Variants in SLC39A10 observed in about 807,000 individuals in gnomAD.
SLC39A10 encodes the protein zinc transporter ZIP10.
Under a neutral mutation model 65.1 loss-of-function variants are expected in SLC39A10, and 13 were observed. The observed-to-expected ratio is 0.20, with a 90% CI of 0.13 to 0.32. SLC39A10 has a LOEUF of 0.32. Among genes scored for constraint, SLC39A10 ranks in the 10% least tolerant of loss-of-function variants. SLC39A10 has a pLI of 1.00. For synonymous variants in SLC39A10, 321 were observed against 342.2 expected, an observed-to-expected ratio of 0.94 and a Z score of 0.68; for missense variants, 831 against 1,018.4, an observed-to-expected ratio of 0.82 and a Z score of 2.50.
chr2:195,625,095 T>C (rs1026634513), intron 2 of SLC39A10, among the ~76,000 whole-genome samples: 41 of 148,696 alleles, frequency 2.8e-4, no homozygotes, highest in Admixed American at 8.1e-4. Flanking sequence ...CGGGCGCCTG[T>C]AATCCCAGCT....
chr2:195,677,637 T>G (rs1690144665), intron 1 of SLC39A10, among the ~76,000 whole-genome samples: 1 of 152,228 alleles, frequency 6.6e-6, no homozygotes, highest in Admixed American at 6.5e-5. Context: ...TTTCCCAATA[T>G]TTGTGAAATT....
intron 3 of SLC39A10, among the ~76,000 whole-genome samples, chr2:195,697,263 C>T (rs1691001556): frequency 6.6e-6 from 1 of 152,092 alleles, no homozygotes; most frequent in Non-Finnish European, 1.5e-5. Flanking sequence ...TTACATAAGG[C>T]ACTTGAGCAT....
At chr2:195,618,146 T>C (rs1688266518) in intron 2 of SLC39A10, among the ~76,000 whole-genome samples, 1 of 151,358 alleles carries the variant, frequency 6.6e-6, no homozygotes, top group Non-Finnish European at 1.5e-5. Context: ...AGGTCAGGGG[T>C]TTGAGACCAG....
At chr2:195,639,695 A>G (rs1328387550) in intron 2 of SLC39A10, among the ~76,000 whole-genome samples, 2 of 151,722 alleles carry the variant, frequency 1.3e-5, no homozygotes, top group African/African-American at 4.8e-5. Context: ...GCAATTCTCA[A>G]CCTCCCGAGT....
chr2:195,732,764 A>G (rs1409783436), intron 9 of SLC39A10, among the ~76,000 whole-genome samples: 2 of 152,148 alleles, frequency 1.3e-5, no homozygotes, highest in African/African-American at 2.4e-5. Context: ...TGGGGACCAT[A>G]TGGTTTCTGT....
At chr2:195,661,856 GTAAA>G (rs1470540295) in intron 1 of SLC39A10, among the ~76,000 whole-genome samples, 3 of 152,056 alleles carry the variant, frequency 2.0e-5, no homozygotes, top group Non-Finnish European at 2.9e-5. Flanking sequence ...CAATCTAAAA[GTAAA>G]TATTTTGTCA....
intron 3 of SLC39A10, among the ~76,000 whole-genome samples, chr2:195,703,236 AG>A (rs563655467): frequency 4.1e-4 from 63 of 152,362 alleles, no homozygotes; most frequent in Non-Finnish European, 7.3e-4. Flanking sequence ...GTATGTGGCC[AG>A]TTCAAGTAGC....
chr2:195,655,688 A>G (rs76375850), upstream of SLC39A10, among the ~76,000 whole-genome samples: 27 of 152,340 alleles, frequency 1.8e-4, no homozygotes, highest in East Asian at 4.0e-3. Flanking sequence ...ACTAGGACTC[A>G]GGCTTAATCT....
intron 3 of SLC39A10, among the ~76,000 whole-genome samples, chr2:195,700,968 G>C (rs980994473): frequency 2.6e-5 from 4 of 151,980 alleles, no homozygotes; most frequent in Non-Finnish European, 5.9e-5. Flanking sequence ...AATTTGGGAA[G>C]TTTTTAGCCA....
chr2:195,673,972 C>T (rs1352864345), intron 1 of SLC39A10, among the ~76,000 whole-genome samples: 1 of 152,184 alleles, frequency 6.6e-6, no homozygotes, highest in African/African-American at 2.4e-5. Context: ...TTCCCTCCTT[C>T]CCTTTCTGAG....
chr2:195,621,677 T>C (rs1688351104), intron 2 of SLC39A10, among the ~76,000 whole-genome samples: 1 of 152,214 alleles, frequency 6.6e-6, no homozygotes, highest in African/African-American at 2.4e-5. Context: ...TTGGAACAGA[T>C]CATTTCACTG....
chr2:195,714,250 G>A (rs1289827811), intron 6 of SLC39A10, among the ~76,000 whole-genome samples: 1 of 152,090 alleles, frequency 6.6e-6, no homozygotes, highest in Non-Finnish European at 1.5e-5. Context: ...TTTTATGATA[G>A]TTTGTCTAGC....
At position 195,645,140 on chromosome 2, in the gene SLC39A10, C is replaced by G. The variant is rs552287740; in HGVS notation, c.-11-34892C>G. ...GTCAGGCTGGTCTCGAACTTCCGAC[C>G]TCAGGTGATCCGCCTGCCTCGGCCT... On this transcript the variant is annotated intron_variant, in intron 2 of 2. Coordinates refer to the SLC39A10 transcript ENST00000458054. Among the ~76,000 whole-genome samples the G allele has an allele frequency of 1.3e-4, 19 of 151,946 alleles. No individual in the cohort carries two copies. In the South Asian group the frequency reaches 4.0e-3, roughly 32 times the overall value.
rs1690260691 is a variant in SLC39A10, at chr2:195,680,526, G to T, written c.484G>T (p.Val162Leu). The change falls in exon 2 of 10, where the codon GTG (valine) becomes TTG (leucine). Residue 162 changes from valine to leucine, a missense_variant. Coordinates refer to ENST00000359634, the MANE Select transcript of SLC39A10 (RefSeq NM_020342.3). ...KCDPEKETVE[V>L]SVKSDDKHMH... is the part of the protein sequence containing the mutation. ...TGATCCAGAGAAAGAGACAGTTGAA[G>T]TGTCTGTAAAATCTGATGATAAACA... The T allele has an allele frequency of 6.2e-7, 1 of 1,614,174 alleles. No individual in the cohort carries two copies. The highest frequency in any genetic ancestry group is 2.2e-5 in the East Asian group (1 of 44,886).
chr2:195,733,867 T>C (rs1317243405), intron 9 of SLC39A10, among the ~76,000 whole-genome samples: 1 of 152,176 alleles, frequency 6.6e-6, no homozygotes, highest in Non-Finnish European at 1.5e-5. Flanking sequence ...CCTTCAAAGA[T>C]GTGATAATTT....
chr2:195,728,414 T>C lies in SLC39A10; in HGVS notation c.2337+65T>C. On this transcript the variant is annotated intron_variant, in intron 9 of 9. Transcript: ENST00000359634. This position sits in a 1 kb window ranked among gnomAD's most constrained non-coding sequence, Gnocchi z 4.4. ...AATGAAAGAAATCCTTGGAAGTGGTTTGAAGCCAAACTATTTTTGAAAATA... is the reference window on the plus strand; with the variant it reads ...AATGAAAGAAATCCTTGGAAGTGGTCTGAAGCCAAACTATTTTTGAAAATA... 1 of 1,444,434 alleles carries C rather than the reference T, an allele frequency of 6.9e-7. No individual in the cohort carries two copies. The highest frequency in any genetic ancestry group is 9.4e-7 in the Non-Finnish European group (1 of 1,060,232). The allele number at this position is 1,444,434 out of a possible 1,614,324, so 89.5% of individuals were successfully genotyped here.
At chr2:195,694,564 A>G (rs1690866754) in intron 3 of SLC39A10, among the ~76,000 whole-genome samples, 1 of 152,098 alleles carries the variant, frequency 6.6e-6, no homozygotes, top group Non-Finnish European at 1.5e-5. Flanking sequence ...CCAGGCTGGT[A>G]CTAGGGAGTG....
intron 2 of SLC39A10, among the ~76,000 whole-genome samples, chr2:195,624,256 G>C (rs1036161443): frequency 1.3e-5 from 2 of 151,454 alleles, no homozygotes; most frequent in Non-Finnish European, 2.9e-5. Flanking sequence ...GTATGCTGGC[G>C]GGCGCCTGTA....
upstream of SLC39A10, among the ~76,000 whole-genome samples, chr2:195,652,652 G>A (rs927120998): frequency 1.1e-5 from 1 of 93,836 alleles, no homozygotes; most frequent in Non-Finnish European, 2.7e-5. Flanking sequence ...AGGCTTCAGA[G>A]AGAATAAATT....
Sources: allele counts gnomAD v4.1 joint callset (sites outside exome capture counted in the v4.1 genomes callset), GRCh38; gene constraint gnomAD v4.1.1; non-coding constraint Gnocchi (gnomAD v3.1); transcripts MANE v1.5; gene names NCBI Gene and HGNC (gene_info 2026-07-23, HGNC 2026-07-21).